Variants in YWHAH observed in about 807,000 individuals in gnomAD.
YWHAH encodes tyrosine 3-monooxygenase/tryptophan 5-monooxygenase activation protein eta.
Under a neutral mutation model 22.9 loss-of-function variants are expected in YWHAH, and 6 were observed. The observed-to-expected ratio is 0.26, with a 90% CI of 0.14 to 0.52. YWHAH has a LOEUF of 0.52. Among genes scored for constraint, YWHAH ranks in the 20% least tolerant of loss-of-function variants. The pLI is 0.97. For missense variants in YWHAH, 173 were observed against 308.6 expected (o/e 0.56, Z 3.29); for synonymous variants, 135 against 124.5 (o/e 1.08, Z -0.56).
At chr22:31,949,327 A>C (rs547975830) in intron 1 of YWHAH, among the ~76,000 whole-genome samples, 1 of 151,470 alleles carries the variant, frequency 6.6e-6, no homozygotes, top group Non-Finnish European at 1.5e-5. Context: ...TATTTTTAGT[A>C]GAGATGGGGT....
At chr22:31,950,389 ACTC>A in intron 1 of YWHAH, 1 of 773,886 alleles carries the variant, frequency 1.3e-6, no homozygotes, top group East Asian at 2.4e-5. Context: ...TCCCGCCCCT[ACTC>A]CTGGCTGCAG....
chr22:31,956,860 C>T lies in YWHAH; in HGVS notation c.*68C>T. On this transcript the variant is annotated 3_prime_UTR_variant, in exon 2 of 2. Coordinates refer to ENST00000248975, the MANE Select transcript of YWHAH (RefSeq NM_003405.4). This position sits in a 1 kb window ranked among gnomAD's most constrained non-coding sequence, Gnocchi z 5.1. ...CATCATCACCGATTCTTCCTTGCCA[C>T]AATCACTAAATATCTAGTGCTAAAC... The T allele has an allele frequency of 6.8e-7, 1 of 1,481,332 alleles. No individual in the cohort carries two copies. Among genetic ancestry groups the T allele is most frequent in the Non-Finnish European group, 9.0e-7 (1 of 1,113,440 alleles). 91.8% of individuals were successfully genotyped at this position (1,481,332 alleles called of 1,614,324 possible).
At chr22:31,947,533 C>T (rs2093836748) in intron 1 of YWHAH, 3 of 468,184 alleles carry the variant, frequency 6.4e-6, no homozygotes, top group African/African-American at 6.0e-5. Context: ...GGTCTTGCCT[C>T]AAACCTGTTG....
chr22:31,945,933 C>T (rs1298205458), intron 1 of YWHAH, among the ~76,000 whole-genome samples: 1 of 152,114 alleles, frequency 6.6e-6, no homozygotes, highest in Non-Finnish European at 1.5e-5. Context: ...CCTTTGCTGG[C>T]CTTTTGGAGG....
intron 1 of YWHAH, among the ~76,000 whole-genome samples, chr22:31,948,230 T>G (rs1442713681): frequency 6.6e-6 from 1 of 152,116 alleles, no homozygotes; most frequent in Non-Finnish European, 1.5e-5. Flanking sequence ...AGGAGGGGCA[T>G]TTGGCCCAAC....
At chr22:31,951,575 A>T (rs2093843344) in intron 1 of YWHAH, among the ~76,000 whole-genome samples, 1 of 152,046 alleles carries the variant, frequency 6.6e-6, no homozygotes, top group African/African-American at 2.4e-5. Flanking sequence ...TTGGCAGTGG[A>T]TCTATTTTTA....
In YWHAH at chr22:31,956,484, A is replaced by G; in HGVS notation, c.433A>G (p.Ser145Gly). The part of the protein sequence containing the change: ...AEVASGEKKN[S>G]VVEASEAAYK... ...GGTCGCTTCTGGGGAGAAGAAAAACAGTGTGGTCGAAGCTTCTGAAGCTGC... is the reference window on the plus strand; with the variant it reads ...GGTCGCTTCTGGGGAGAAGAAAAACGGTGTGGTCGAAGCTTCTGAAGCTGC... The change falls in exon 2 of 2, where the codon AGT becomes GGT. Residue 145 changes from serine to glycine, a missense_variant. Coordinates refer to ENST00000248975, the MANE Select transcript of YWHAH (RefSeq NM_003405.4). The surrounding 1 kb of genome is among the most constrained non-coding windows in gnomAD (Gnocchi z 5.1). The G allele has an allele frequency of 6.2e-7, 1 of 1,614,220 alleles. No homozygotes were observed. Among genetic ancestry groups the G allele is most frequent in the Non-Finnish European group, 8.5e-7 (1 of 1,180,042 alleles).
intron 1 of YWHAH, among the ~76,000 whole-genome samples, chr22:31,953,515 A>C (rs570546442): frequency 6.6e-6 from 1 of 152,246 alleles, no homozygotes; most frequent in South Asian, 2.1e-4. Context: ...TGTGGGCAAA[A>C]AAAGACTAAG....
intron 1 of YWHAH, chr22:31,945,170 C>T (rs1028924541): frequency 3.4e-5 from 38 of 1,124,096 alleles, no homozygotes; most frequent in Non-Finnish European, 4.2e-5. Context: ...TAGAGCGTTT[C>T]ACCGGACCCG....
At position 31,945,055 on chromosome 22, in the gene YWHAH, C is replaced by T. The variant is rs911640089; in HGVS notation, c.87+235C>T. On this transcript the variant is annotated intron_variant, in intron 1 of 1. Coordinates refer to ENST00000248975, the MANE Select transcript of YWHAH (RefSeq NM_003405.4). ...AGGGTGCAGTTCGGGATCGCGAAGGCAGCCCCGGAAGGGGGGCGGGCCGGT... is the reference window on the plus strand; with the variant it reads ...AGGGTGCAGTTCGGGATCGCGAAGGTAGCCCCGGAAGGGGGGCGGGCCGGT... 4 of 1,108,608 alleles carry T rather than the reference C, an allele frequency of 3.6e-6. No individual in the cohort carries two copies. In the Admixed American group the frequency reaches 1.5e-4, roughly 41 times the overall value. The allele number at this position is 1,108,608 out of a possible 1,614,324, so 68.7% of individuals were successfully genotyped here.
chr22:31,951,834 A>G (rs773092484), intron 1 of YWHAH, among the ~76,000 whole-genome samples: 2 of 152,178 alleles, frequency 1.3e-5, no homozygotes, highest in Non-Finnish European at 2.9e-5. Context: ...GGGAAGTCCA[A>G]TCCTTAAAAG....
chr22:31,945,276 C>G, intron 1 of YWHAH: 1 of 1,164,248 alleles, frequency 8.6e-7, no homozygotes. Context: ...TCTGCCACGA[C>G]CTGAAGTCTG....
intron 1 of YWHAH, chr22:31,947,529 G>A (rs1443827291): frequency 2.1e-6 from 1 of 468,438 alleles, no homozygotes; most frequent in African/African-American, 2.0e-5. Flanking sequence ...CAATGGTCTT[G>A]CCTCAAACCT....
At chr22:31,950,449 G>C (rs78667109) in intron 1 of YWHAH, 1 of 776,086 alleles carries the variant, frequency 1.3e-6, no homozygotes, top group Non-Finnish European at 2.4e-6. Context: ...CCAATGATCC[G>C]AACCTGGCAC....
Position 31,944,691 on chromosome 22 carries a change from G to C in YWHAH, c.-43G>C, listed in dbSNP as rs1281289570. On this transcript the variant is annotated 5_prime_UTR_variant, in exon 1 of 2. Transcript: ENST00000248975. ...GACTGACCGGCGGGAGGGCTAGCGA[G>C]CCAGCGGTGTGAGGCGCGAGGCGAG... is the stretch of plus-strand genomic sequence containing the variant. 1.5e-6 allele frequency: 2 copies of C among 1,322,250 alleles called. No individual in the cohort carries two copies. Among genetic ancestry groups the C allele is most frequent in the Non-Finnish European group, 1.9e-6 (2 of 1,025,978 alleles). 81.9% of individuals were successfully genotyped at this position (1,322,250 alleles called of 1,614,324 possible). A position where few individuals can be genotyped will look rare whatever the true frequency, so the allele number is the denominator to read the frequency against.
intron 1 of YWHAH, among the ~76,000 whole-genome samples, chr22:31,955,793 C>T (rs1221784003): frequency 6.6e-6 from 1 of 152,146 alleles, no homozygotes; most frequent in Non-Finnish European, 1.5e-5. Flanking sequence ...TTCTTCTTCA[C>T]CATTATGTAC....
At chr22:31,945,245 G>A in intron 1 of YWHAH, 3 of 1,139,704 alleles carry the variant, frequency 2.6e-6, no homozygotes, top group South Asian at 1.9e-5. Flanking sequence ...AGTAAGTGGC[G>A]CCCTGTCTCA....
At chr22:31,945,804 C>T (rs8141011) in intron 1 of YWHAH, 204,284 of 734,584 alleles carry the variant, frequency 0.28, 29,845 homozygotes, top group Admixed American at 0.32. Context: ...CGCCTTAGAC[C>T]TATACATTCA....
rs2093850163 is a variant in YWHAH at position 31,956,817 on chromosome 22, TC to T, written c.*27del. ...AAGATCCTTCAGGTCCCCTGGCCCT[TC>T]CTTCACCCACCACCCCCATCATCAC... is the stretch of plus-strand genomic sequence containing the variant. On this transcript the variant is annotated 3_prime_UTR_variant, in exon 2 of 2. Transcript: ENST00000248975. The surrounding 1 kb of genome is among the most constrained non-coding windows in gnomAD (Gnocchi z 5.1). 6.5e-7 allele frequency: 1 copy of T among 1,542,968 alleles called. No individual in the cohort carries two copies. Among genetic ancestry groups the T allele is most frequent in the African/African-American group, 1.4e-5 (1 of 73,144 alleles).
Sources: gnomAD v4.1 joint callset for allele counts (sites outside exome capture counted in the v4.1 genomes callset) on GRCh38, gnomAD v4.1.1 for gene constraint, Gnocchi (gnomAD v3.1) non-coding constraint, MANE v1.5 for transcripts, NCBI Gene and HGNC (gene_info 2026-07-23, HGNC 2026-07-21) for gene names.